THOC2: variants seen among roughly 807,000 people sequenced by gnomAD.
THOC2 encodes THO complex 2.
THOC2 carries 10 observed loss-of-function variants against 128.4 expected under a neutral mutation model. That is an observed-to-expected ratio of 0.08 (90% CI 0.05 to 0.13). The LOEUF (loss-of-function observed/expected upper bound fraction) is 0.13, where lower values mean the gene tolerates loss of function less well. Among genes scored for constraint, THOC2 ranks in the 10% least tolerant of loss-of-function variants. The pLI, the probability that THOC2 is intolerant of heterozygous loss-of-function variation, is 1.00. For synonymous variants in THOC2, 393 were observed against 396.9 expected, an observed-to-expected ratio of 0.99 and a Z score of 0.12; for missense variants, 535 against 1,155.7, an observed-to-expected ratio of 0.46 and a Z score of 7.79.
At chrX:123,689,860 T>TA (rs1411134809) in intron 7 of THOC2, among the ~76,000 whole-genome samples, 1 of 111,900 alleles carries the variant, frequency 8.9e-6, no homozygotes, top group African/African-American at 3.3e-5. Context: ...AGCAGTCTTG[T>TA]ATGCAAACAT....
At chrX:123,653,532 C>G (rs1482237918) in intron 12 of THOC2, among the ~76,000 whole-genome samples, 1 of 110,361 alleles carries the variant, frequency 9.1e-6, no homozygotes, top group Non-Finnish European at 1.9e-5. Context: ...GACAAAAGGG[C>G]TAATATCCAG....
intron 19 of THOC2, among the ~76,000 whole-genome samples, chrX:123,635,006 T>C (rs1164585303): frequency 1.8e-5 from 2 of 112,013 alleles, no homozygotes; most frequent in African/African-American, 6.5e-5. Flanking sequence ...AAGTCAGACA[T>C]ACCCAAGACA....
At chrX:123,681,913 G>T (rs1481319135) in intron 8 of THOC2, among the ~76,000 whole-genome samples, 1 of 111,808 alleles carries the variant, frequency 8.9e-6, no homozygotes, top group Non-Finnish European at 1.9e-5. Context: ...TACAAAATTA[G>T]ACAGGCGTGG....
chrX:123,701,229 G>A (rs144815613), intron 4 of THOC2, among the ~76,000 whole-genome samples: 3,320 of 111,716 alleles, frequency 0.03, 131 homozygotes, highest in African/African-American at 0.1. Context: ...GGTGGCACGC[G>A]CCTGTAATCC....
Position 123,618,445 on chromosome X carries a change from C to T in THOC2, c.4311+956G>A, listed in dbSNP as rs190737387. On this transcript the variant is annotated intron_variant, in intron 33 of 38. Transcript: ENST00000245838. ...GCCTTATTTGCCCAATATCCACAGACATTTCATTATAAATCTATACATCTA... is the reference window on the plus strand; with the variant it reads ...GCCTTATTTGCCCAATATCCACAGATATTTCATTATAAATCTATACATCTA... Among the ~76,000 whole-genome samples the T allele has an allele frequency of 2.4e-3, 267 of 112,032 alleles. 4 individuals carry two copies. The highest frequency in any genetic ancestry group is 3.2e-3 in the Non-Finnish European group (170 of 52,974).
chrX:123,732,796 T>G lies in THOC2; in HGVS notation c.71+156A>C, dbSNP rs746641918. Reference sequence around the variant, plus strand: ...GGTCCGCGGCGGTAAACAGCACCTCTCCCCGAGTTCGAAACTCCTAGACGA... The same window carrying G: ...GGTCCGCGGCGGTAAACAGCACCTCGCCCCGAGTTCGAAACTCCTAGACGA... On this transcript the variant is annotated intron_variant, in intron 1 of 38. Coordinates refer to ENST00000245838, the MANE Select transcript of THOC2 (RefSeq NM_001081550.2). 1.4e-4 allele frequency among the ~76,000 whole-genome samples: 15 copies of G among 110,679 alleles called. No homozygotes were observed. In the East Asian group the frequency reaches 3.2e-3, roughly 23 times the overall value.
At chrX:123,633,931 G>T in intron 20 of THOC2, 22 bp downstream of exon 20, 1 of 1,000,059 alleles carries the variant, frequency 1.0e-6, no homozygotes, top group Non-Finnish European at 1.4e-6. Flanking sequence ...AAAAGTTGAT[G>T]AACAAAAATA....
chrX:123,687,030 A>G (rs1046063945), intron 7 of THOC2, among the ~76,000 whole-genome samples: 3 of 111,497 alleles, frequency 2.7e-5, no homozygotes, highest in African/African-American at 9.8e-5. Context: ...TACTCGGGCT[A>G]GTGAAACAGG....
chrX:123,623,002 A>G, intron 29 of THOC2, 103 bp downstream of exon 29: 1 of 927,103 alleles, frequency 1.1e-6, no homozygotes, highest in Non-Finnish European at 1.5e-6. Flanking sequence ...TCTAGGGAAT[A>G]AAAAGTAATA....
intron 15 of THOC2, among the ~76,000 whole-genome samples, chrX:123,643,554 T>G (rs1164289511): frequency 9.0e-6 from 1 of 111,028 alleles, no homozygotes; most frequent in Non-Finnish European, 1.9e-5. Context: ...AGCTAGAAAC[T>G]GTACCTGGAG....
rs760673764 is a variant in THOC2, at chrX:123,678,267, C to CTT, written c.769-6508_769-6507dup. Among the ~76,000 whole-genome samples, 14 of 98,273 alleles carry CTT rather than the reference C, an allele frequency of 1.4e-4. No homozygotes were observed. In the East Asian group the frequency reaches 1.9e-3, roughly 14 times the overall value. The allele number at this position is 98,273 out of a possible 115,157, so 85.3% of individuals were successfully genotyped here. The stretch of plus-strand genomic sequence containing the variant: ...CAGCATTGGGGTCCATGTTTTCAAA[C>CTT]TTTTTTTTTTTTTTTTGAGATGGAG... On this transcript the variant is annotated intron_variant, in intron 8 of 38. Transcript: ENST00000245838.
chrX:123,649,091 C>T (rs893644723), intron 12 of THOC2, among the ~76,000 whole-genome samples: 13 of 111,893 alleles, frequency 1.2e-4, no homozygotes, highest in African/African-American at 4.2e-4. Context: ...GGCGGGTGCC[C>T]CTCTAGGAGG....
At position 123,729,250 on chromosome X, in the gene THOC2, T is replaced by A. The variant is rs145084648; in HGVS notation, c.71+3702A>T. Among the ~76,000 whole-genome samples, 633 of 111,920 alleles carry A rather than the reference T, an allele frequency of 5.7e-3. 4 individuals carry two copies. Among genetic ancestry groups the A allele is most frequent in the Middle Eastern group, 0.023 (5 of 219 alleles). On this transcript the variant is annotated intron_variant, in intron 1 of 38. Coordinates refer to ENST00000245838, the MANE Select transcript of THOC2 (RefSeq NM_001081550.2). Reference sequence around the variant, plus strand: ...CACTTTAAAGGTCACTCTTTAAGAGTTCTATAATTTAGCATTAAAAACATA... The same window carrying A: ...CACTTTAAAGGTCACTCTTTAAGAGATCTATAATTTAGCATTAAAAACATA...
At chrX:123,711,095 T>A (rs1173977095) in intron 2 of THOC2, among the ~76,000 whole-genome samples, 1 of 102,412 alleles carries the variant, frequency 9.8e-6, no homozygotes, top group Non-Finnish European at 2.0e-5. Flanking sequence ...CTTGGCTCAC[T>A]ACAGCCTCTG....
At chrX:123,607,738 G>A (rs1448596647) in intron 38 of THOC2, among the ~76,000 whole-genome samples, 5 of 110,369 alleles carry the variant, frequency 4.5e-5, no homozygotes, top group East Asian at 5.6e-4. Context: ...TACAAGTAAC[G>A]ACATCTTTCA....
At position 123,732,972 on chromosome X, in the gene THOC2, C is replaced by G. The variant is rs756283950; in HGVS notation, c.51G>C (p.Glu17Asp). Residue 17 changes from glutamate (E) to aspartate (D), a missense_variant, in exon 1 of 39, where the codon GAG becomes GAC. Transcript: ENST00000245838. ...VVPAEWIKNW[E>D]KSGRGEFLHL... Reference sequence around the variant, plus strand: ...CTCACAATTCGCCTCTCCCTGATTTCTCCCAGTTCTTTATCCACTCTGCGG... The same window carrying G: ...CTCACAATTCGCCTCTCCCTGATTTGTCCCAGTTCTTTATCCACTCTGCGG... The G allele has an allele frequency of 6.6e-6, 8 of 1,210,180 alleles. No individual in the cohort carries two copies. The Admixed American group carries it at 1.7e-4, about 26-fold the overall frequency.
chrX:123,608,087 T>A (rs1270508624), intron 38 of THOC2, among the ~76,000 whole-genome samples: 1 of 110,096 alleles, frequency 9.1e-6, no homozygotes, highest in South Asian at 3.9e-4. Flanking sequence ...CGTTTCCATT[T>A]AAAATTTTTT....
In THOC2 at chrX:123,638,364, T is replaced by C. The variant is rs779258433; in HGVS notation, c.1841-241A>G. Among the ~76,000 whole-genome samples, 6 of 112,056 alleles carry C rather than the reference T, an allele frequency of 5.4e-5. No individual in the cohort carries two copies. The South Asian group carries it at 2.3e-3, about 42-fold the overall frequency. ...AAGACAGATTCCATCAATATCAAGATGTTTGGTAAGCCAACTGGGTGCAGT... is the reference window on the plus strand; with the variant it reads ...AAGACAGATTCCATCAATATCAAGACGTTTGGTAAGCCAACTGGGTGCAGT... On this transcript the variant is annotated intron_variant, in intron 17 of 38. Coordinates refer to ENST00000245838, the MANE Select transcript of THOC2 (RefSeq NM_001081550.2).
intron 32 of THOC2, chrX:123,620,704 G>A: frequency 2.8e-6 from 1 of 352,538 alleles, no homozygotes; most frequent in Non-Finnish European, 4.8e-6. Context: ...CTAAGTCCTT[G>A]AAGTTTTAAC....
Sources: allele counts gnomAD v4.1 joint callset (sites outside exome capture counted in the v4.1 genomes callset), GRCh38; gene constraint gnomAD v4.1.1; transcripts MANE v1.5; gene names NCBI Gene and HGNC (gene_info 2026-07-23, HGNC 2026-07-21).